The following GPC6 variants were observed in gnomAD, a reference collection of about 807,000 sequenced individuals.
GPC6 encodes the protein glypican-6.
A neutral mutation model predicts 55.2 loss-of-function variants in GPC6; 14 were observed. The observed-to-expected ratio is 0.25, with a 90% CI of 0.17 to 0.40. The LOEUF is 0.40. Ranked by LOEUF, GPC6 falls within the 10% of genes least tolerant of loss-of-function variation. The pLI is 1.00. For missense variants in GPC6, 641 were observed against 708.5 expected, an observed-to-expected ratio of 0.90 and a Z score of 1.08; for synonymous variants, 278 against 259.6, an observed-to-expected ratio of 1.07 and a Z score of -0.68.
chr13:93,973,558 G>A (rs1880384351), intron 3 of GPC6, among the ~76,000 whole-genome samples: 2 of 152,264 alleles, frequency 1.3e-5, no homozygotes, highest in South Asian at 2.1e-4. Flanking sequence ...ATAAGAGAGT[G>A]AGAGAAGGGT....
At chr13:93,582,274 G>A (rs1594285989) in intron 2 of GPC6, among the ~76,000 whole-genome samples, 1 of 152,118 alleles carries the variant, frequency 6.6e-6, no homozygotes, top group East Asian at 1.9e-4. Context: ...GATTGAAGTT[G>A]TAGAAGAGGA....
intron 6 of GPC6, among the ~76,000 whole-genome samples, chr13:94,326,451 T>G (rs1288245867): frequency 6.6e-6 from 1 of 152,028 alleles, no homozygotes; most frequent in Admixed American, 6.6e-5. Context: ...AAAATTATAA[T>G]CACAAAGAAA....
intron 4 of GPC6, among the ~76,000 whole-genome samples, chr13:94,254,172 C>T (rs1407876170): frequency 6.6e-6 from 1 of 152,098 alleles, no homozygotes; most frequent in Non-Finnish European, 1.5e-5. Context: ...CTTAAAGTGC[C>T]TTTGGCATGT....
intron 2 of GPC6, among the ~76,000 whole-genome samples, chr13:93,678,709 T>A (rs1461628628): frequency 6.6e-6 from 1 of 152,170 alleles, no homozygotes; most frequent in Admixed American, 6.5e-5. Context: ...ACCCTATAGC[T>A]GCCTACATTT....
chr13:93,876,244 T>C (rs1889291704), intron 3 of GPC6, among the ~76,000 whole-genome samples: 1 of 152,000 alleles, frequency 6.6e-6, no homozygotes, highest in South Asian at 2.1e-4. Flanking sequence ...ATTTATTATA[T>C]TGTTAATTTC....
At position 93,279,973 on chromosome 13, in the gene GPC6, T is replaced by A. The variant is rs565546595; in HGVS notation, c.160+52357T>A. On this transcript the variant is annotated intron_variant, in intron 1 of 8. Coordinates refer to ENST00000377047, the MANE Select transcript of GPC6 (RefSeq NM_005708.5). Reference sequence around the variant, plus strand: ...AAACTGGTTAAATGTACGAACATAGTGGGAAATGCCTAGCCTGACGAAAGA... The same window carrying A: ...AAACTGGTTAAATGTACGAACATAGAGGGAAATGCCTAGCCTGACGAAAGA... Among the ~76,000 whole-genome samples, 39 of 152,292 alleles carry A rather than the reference T, an allele frequency of 2.6e-4. No homozygotes were observed. In the Middle Eastern group the frequency reaches 0.01, roughly 40 times the overall value.
At chr13:93,948,051 G>A (rs1050839061) in intron 3 of GPC6, among the ~76,000 whole-genome samples, 4 of 151,962 alleles carry the variant, frequency 2.6e-5, no homozygotes, top group Admixed American at 6.6e-5. Flanking sequence ...CCAATAATAA[G>A]AATATATTTC....
In GPC6 at chr13:93,600,722, C is replaced by T. The variant is rs149110580; in HGVS notation, c.319+55301C>T. On this transcript the variant is annotated intron_variant, in intron 2 of 8. Transcript: ENST00000377047. ...ATCCCAGCACTTTGGGAGGCTGAGG[C>T]GGGTGGATCACGAGGTCAGGAGTTC... is the stretch of plus-strand genomic sequence containing the variant. Among the ~76,000 whole-genome samples the T allele has an allele frequency of 9.9e-3, 1,501 of 151,916 alleles. 23 individuals are homozygous for T. The highest frequency in any genetic ancestry group is 0.034 in the African/African-American group (1,426 of 41,420).
chr13:94,154,650 T>A (rs1435168590), intron 4 of GPC6, among the ~76,000 whole-genome samples: 1 of 152,050 alleles, frequency 6.6e-6, no homozygotes, highest in Non-Finnish European at 1.5e-5. Flanking sequence ...TAAACTTGAG[T>A]CTCACAGATC....
intron 1 of GPC6, among the ~76,000 whole-genome samples, chr13:93,351,886 A>G (rs1272650491): frequency 6.6e-6 from 1 of 152,180 alleles, no homozygotes; most frequent in Non-Finnish European, 1.5e-5. Context: ...GGTAATTATT[A>G]AGGATAAGCA....
intron 3 of GPC6, among the ~76,000 whole-genome samples, chr13:93,908,177 T>A (rs1876773847): frequency 6.6e-6 from 1 of 152,176 alleles, no homozygotes; most frequent in South Asian, 2.1e-4. Flanking sequence ...CCACATAGAT[T>A]TCTGCCTAAA....
At chr13:94,216,849 T>A (rs893600463) in intron 4 of GPC6, among the ~76,000 whole-genome samples, 5 of 152,174 alleles carry the variant, frequency 3.3e-5, no homozygotes, top group Non-Finnish European at 7.3e-5. Flanking sequence ...TAATTGAGGG[T>A]CACTTCATAA....
chr13:93,652,771 T>A (rs1233446949), intron 2 of GPC6, among the ~76,000 whole-genome samples: 2 of 152,214 alleles, frequency 1.3e-5, no homozygotes, highest in Non-Finnish European at 2.9e-5. Context: ...AAATAAATGT[T>A]TAACAAAATG....
chr13:93,343,967 C>T (rs16948658), intron 1 of GPC6, among the ~76,000 whole-genome samples: 11,200 of 152,210 alleles, frequency 0.074, 520 homozygotes, highest in East Asian at 0.12. Flanking sequence ...TCCACGTCAC[C>T]TCTTCAAATT....
intron 1 of GPC6, among the ~76,000 whole-genome samples, chr13:93,412,935 C>T (rs1255977373): frequency 1.3e-5 from 2 of 152,142 alleles, no homozygotes; most frequent in Non-Finnish European, 2.9e-5. Flanking sequence ...AAATAAATTA[C>T]AGGTCCTTCC....
chr13:94,039,668 C>G (rs1184512372), intron 4 of GPC6, among the ~76,000 whole-genome samples: 1 of 151,810 alleles, frequency 6.6e-6, no homozygotes, highest in Non-Finnish European at 1.5e-5. Flanking sequence ...GTTCTATGTT[C>G]CTGGGACAAA....
chr13:93,930,405 G>T (rs1305557247), intron 3 of GPC6, among the ~76,000 whole-genome samples: 1 of 151,456 alleles, frequency 6.6e-6, no homozygotes, highest in African/African-American at 2.4e-5. Context: ...CCGAGTAGCT[G>T]GGACTACAGG....
chr13:93,370,581 C>T (rs1308719388), intron 1 of GPC6, among the ~76,000 whole-genome samples: 1 of 152,028 alleles, frequency 6.6e-6, no homozygotes, highest in East Asian at 1.9e-4. Flanking sequence ...TCAGGGGTTC[C>T]ATGACTTCTT....
At chr13:94,064,855 A>T (rs1884460814) in intron 4 of GPC6, among the ~76,000 whole-genome samples, 1 of 152,128 alleles carries the variant, frequency 6.6e-6, no homozygotes, top group Non-Finnish European at 1.5e-5. Context: ...TCATCCTTTA[A>T]ACCTCCCAAG....
Sources: gnomAD v4.1 joint callset for allele counts (sites outside exome capture counted in the v4.1 genomes callset) on GRCh38, gnomAD v4.1.1 for gene constraint, MANE v1.5 for transcripts, NCBI Gene and HGNC (gene_info 2026-07-23, HGNC 2026-07-21) for gene names.